KCND2: variants seen among roughly 807,000 people sequenced by gnomAD.
KCND2 encodes A-type voltage-gated potassium channel KCND2.
In KCND2, 16 loss-of-function variants were observed where a neutral mutation model predicts 54.4. That is an observed-to-expected ratio of 0.29 (90% CI 0.20 to 0.45). The LOEUF (loss-of-function observed/expected upper bound fraction) is 0.45. Ranked by LOEUF, KCND2 falls within the 20% of genes least tolerant of loss-of-function variation. The pLI is 1.00. For missense variants in KCND2, 486 were observed against 824.2 expected (o/e 0.59, Z 5.02); for synonymous variants, 317 against 310.7 (o/e 1.02, Z -0.21).
At chr7:120,412,181 A>G (rs888902534) in intron 1 of KCND2, among the ~76,000 whole-genome samples, 6 of 152,034 alleles carry the variant, frequency 3.9e-5, no homozygotes, top group Admixed American at 6.6e-5. Context: ...AAACTTTATA[A>G]CTGAGTCACT....
In KCND2 at chr7:120,275,415, C is replaced by T; in HGVS notation, c.783C>T (p.Val261=). 1 of 1,613,828 alleles carries T rather than the reference C, an allele frequency of 6.2e-7. No individual in the cohort carries two copies. Residue 261 remains valine (V), a synonymous_variant, in exon 1 of 6, where the codon GTC becomes GTT. Coordinates refer to ENST00000331113, the MANE Select transcript of KCND2 (RefSeq NM_012281.3). Reference sequence around the variant, plus strand: ...GTCGTTACCGTTTTGTGCGTAGTGTCATGAGTATCATCGACGTGGTGGCCA... The same window carrying T: ...GTCGTTACCGTTTTGTGCGTAGTGTTATGAGTATCATCGACGTGGTGGCCA... ...APSRYRFVRS[V]MSIIDVVAIL...
intron 1 of KCND2, among the ~76,000 whole-genome samples, chr7:120,304,421 A>G (rs1036951776): frequency 6.6e-6 from 1 of 152,196 alleles, no homozygotes; most frequent in African/African-American, 2.4e-5. Flanking sequence ...GTGAGACTGC[A>G]TATTGATGGA....
intron 1 of KCND2, among the ~76,000 whole-genome samples, chr7:120,430,531 A>G (rs1801773600): frequency 2.0e-5 from 3 of 152,024 alleles, no homozygotes; most frequent in African/African-American, 7.3e-5. Flanking sequence ...AATCACCTGA[A>G]CTGACAGAGC....
intron 1 of KCND2, among the ~76,000 whole-genome samples, chr7:120,665,667 A>T (rs1241526392): frequency 6.6e-6 from 1 of 152,066 alleles, no homozygotes; most frequent in Non-Finnish European, 1.5e-5. Context: ...GCTTTTACCA[A>T]TCTAAAAGAA....
chr7:120,572,870 T>A (rs1050505052), intron 1 of KCND2, among the ~76,000 whole-genome samples: 1 of 152,186 alleles, frequency 6.6e-6, no homozygotes, highest in Non-Finnish European at 1.5e-5. Flanking sequence ...TAGTTTGAAA[T>A]GGAATCTAAG....
chr7:120,742,607 G>A lies in KCND2; in HGVS notation c.1467+5G>A. ...CACTGCCTGGAAAAAACCACGGTAAGGAGACAGCATGACTGCCTTCCCTTG... is the reference window on the plus strand; with the variant it reads ...CACTGCCTGGAAAAAACCACGGTAAAGAGACAGCATGACTGCCTTCCCTTG... On this transcript the variant is annotated splice_donor_5th_base_variant and intron_variant, in intron 4 of 5. Coordinates refer to ENST00000331113, the MANE Select transcript of KCND2 (RefSeq NM_012281.3). The A allele has an allele frequency of 6.2e-7, 1 of 1,610,404 alleles. No homozygotes were observed. The highest frequency in any genetic ancestry group is 8.5e-7 in the Non-Finnish European group (1 of 1,176,826).
chr7:120,653,869 G>A (rs1028965549), intron 1 of KCND2, among the ~76,000 whole-genome samples: 1 of 152,150 alleles, frequency 6.6e-6, no homozygotes, highest in African/African-American at 2.4e-5. Context: ...TGTAGACAGA[G>A]CATTATGAGA....
chr7:120,351,887 T>C (rs1025320987), intron 1 of KCND2, among the ~76,000 whole-genome samples: 4 of 152,050 alleles, frequency 2.6e-5, no homozygotes, highest in Middle Eastern at 3.4e-3. Context: ...CTCAGCTCAC[T>C]GCAAACCTCT....
At chr7:120,523,570 CA>C (rs967068263) in intron 1 of KCND2, among the ~76,000 whole-genome samples, 13 of 143,336 alleles carry the variant, frequency 9.1e-5, no homozygotes, top group Admixed American at 1.4e-4. Context: ...CTCGATAAGC[CA>C]AAAAAAAACA....
chr7:120,584,943 G>C (rs1792573825), intron 1 of KCND2, among the ~76,000 whole-genome samples: 1 of 152,200 alleles, frequency 6.6e-6, no homozygotes, highest in African/African-American at 2.4e-5. Context: ...AGGGAAACAT[G>C]ATTTTTTCAG....
At chr7:120,733,239 A>G (rs1370799811) in intron 2 of KCND2, among the ~76,000 whole-genome samples, 174 bp downstream of exon 2, 2 of 152,154 alleles carry the variant, frequency 1.3e-5, no homozygotes, top group Non-Finnish European at 2.9e-5. Flanking sequence ...GCTTAAAACA[A>G]TAAGCAATAT....
chr7:120,533,248 G>A (rs1311907638), intron 1 of KCND2, among the ~76,000 whole-genome samples: 1 of 151,950 alleles, frequency 6.6e-6, no homozygotes, highest in East Asian at 1.9e-4. Flanking sequence ...CTAACCAAAA[G>A]AGTCTACATT....
At chr7:120,593,198 T>C (rs1327539588) in intron 1 of KCND2, among the ~76,000 whole-genome samples, 1 of 152,210 alleles carries the variant, frequency 6.6e-6, no homozygotes, top group Non-Finnish European at 1.5e-5. Context: ...TCAAATATTC[T>C]TTCTCAGAGC....
intron 1 of KCND2, among the ~76,000 whole-genome samples, chr7:120,379,624 T>C (rs1201151727): frequency 6.6e-6 from 1 of 152,070 alleles, no homozygotes; most frequent in Non-Finnish European, 1.5e-5. Flanking sequence ...TTGATTCTTA[T>C]TCCTCCTTGT....
chr7:120,555,524 C>G (rs1792153119), intron 1 of KCND2, among the ~76,000 whole-genome samples: 1 of 152,164 alleles, frequency 6.6e-6, no homozygotes, highest in Non-Finnish European at 1.5e-5. Context: ...AAAATAAAAT[C>G]TGTCAGGTCA....
At chr7:120,708,573 A>C in intron 1 of KCND2, among the ~76,000 whole-genome samples, 1 of 152,130 alleles carries the variant, frequency 6.6e-6, no homozygotes, top group East Asian at 1.9e-4. Flanking sequence ...ACTTTTTACT[A>C]TTTCCAGGAC....
chr7:120,543,233 T>C (rs1450521022), intron 1 of KCND2, among the ~76,000 whole-genome samples: 8 of 151,974 alleles, frequency 5.3e-5, no homozygotes, highest in Non-Finnish European at 8.8e-5. Context: ...TGCCCTTTTT[T>C]TTCACTTCCT....
intron 1 of KCND2, among the ~76,000 whole-genome samples, chr7:120,395,306 G>A (rs1377099803): frequency 3.9e-5 from 6 of 152,000 alleles, no homozygotes; most frequent in Non-Finnish European, 4.4e-5. Flanking sequence ...GTATAACTCA[G>A]TATAAATAAA....
At chr7:120,364,632 G>A (rs1000529562) in intron 1 of KCND2, among the ~76,000 whole-genome samples, 13 of 152,024 alleles carry the variant, frequency 8.6e-5, no homozygotes, top group Admixed American at 2.6e-4. Context: ...GGAAAAGAGC[G>A]GGGTAGAGGT....
Sources: gnomAD v4.1 joint callset for allele counts (sites outside exome capture counted in the v4.1 genomes callset) on GRCh38, gnomAD v4.1.1 for gene constraint, MANE v1.5 for transcripts, NCBI Gene and HGNC (gene_info 2026-07-23, HGNC 2026-07-21) for gene names.